PYGB: variants seen among roughly 807,000 people sequenced by gnomAD.
PYGB encodes glycogen phosphorylase, brain form.
In PYGB, 82 loss-of-function variants were observed where a neutral mutation model predicts 94.3. That is an observed-to-expected ratio of 0.87 (90% CI 0.73 to 1.04). The LOEUF (loss-of-function observed/expected upper bound fraction) is 1.04. Ranked by LOEUF, PYGB falls within the 50% of genes least tolerant of loss-of-function variation. The probability of loss-of-function intolerance (pLI) is 0.00; values close to 1 mark genes in which losing one functional copy is unlikely to be tolerated. For missense variants in PYGB, 1,132 were observed against 1,158.2 expected (o/e 0.98, Z 0.33); for synonymous variants, 488 against 479.1 (o/e 1.02, Z -0.24).
intron 2 of PYGB, among the ~76,000 whole-genome samples, 161 bp downstream of exon 2, chr20:25,259,499 G>A (rs759021917): frequency 3.3e-5 from 5 of 152,202 alleles, no homozygotes; most frequent in East Asian, 1.9e-4. Context: ...ATGGGTTGGC[G>A]GGGCTGCTCT....
intron 2 of PYGB, among the ~76,000 whole-genome samples, chr20:25,264,725 T>C (rs1472189614): frequency 1.3e-5 from 2 of 152,216 alleles, no homozygotes; most frequent in Non-Finnish European, 1.5e-5. Context: ...ACAAGGGATG[T>C]GAAGGACCTC....
At position 25,288,486 on chromosome 20, in the gene PYGB, G is replaced by A. The variant is rs2088437947; in HGVS notation, c.1827+3G>A. ...GGACTGTTATGATTGGGGGCAAGGT[G>A]AGTGACTTCCTCTGCAGTCCTCTCT... On this transcript the variant is annotated splice_donor_region_variant and intron_variant, in intron 15 of 19. Transcript: ENST00000216962. 6.2e-7 allele frequency: 1 copy of A among 1,614,052 alleles called. No individual in the cohort carries two copies. Among genetic ancestry groups the A allele is most frequent in the Non-Finnish European group, 8.5e-7 (1 of 1,179,920 alleles).
chr20:25,265,430 G>A (rs996734690), intron 2 of PYGB, among the ~76,000 whole-genome samples: 2 of 152,162 alleles, frequency 1.3e-5, no homozygotes, highest in African/African-American at 2.4e-5. Flanking sequence ...CTAAATGGGT[G>A]TAAAATGGTA....
intron 1 of PYGB, among the ~76,000 whole-genome samples, chr20:25,256,563 C>T (rs2092903209): frequency 6.6e-6 from 1 of 152,008 alleles, no homozygotes; most frequent in African/African-American, 2.4e-5. Flanking sequence ...CTTGTTATGT[C>T]ATATTGCAAG....
At chr20:25,294,009 T>C in intron 17 of PYGB, 149 bp from the exon 18 acceptor site, 3 of 1,055,502 alleles carry the variant, frequency 2.8e-6, no homozygotes, top group Non-Finnish European at 4.1e-6. Context: ...TAACCACCCA[T>C]GGCCACTGGC....
chr20:25,294,590 C>T (rs905272735), intron 18 of PYGB, among the ~76,000 whole-genome samples: 1 of 152,196 alleles, frequency 6.6e-6, no homozygotes, highest in Non-Finnish European at 1.5e-5. Flanking sequence ...GTTGGAGGTC[C>T]CAGGGGCAGC....
At chr20:25,283,811 C>T (rs2088391694) in intron 13 of PYGB, among the ~76,000 whole-genome samples, 1 of 152,178 alleles carries the variant, frequency 6.6e-6, no homozygotes. Flanking sequence ...TCCCGCGCTG[C>T]TCCGCCGCCT....
At chr20:25,293,246 GC>G (rs1358429481) in intron 17 of PYGB, among the ~76,000 whole-genome samples, 2 of 151,998 alleles carry the variant, frequency 1.3e-5, no homozygotes, top group Non-Finnish European at 2.9e-5. Context: ...TCCGTTGGCT[GC>G]ACTGAGCTCA....
chr20:25,296,084 C>T (rs1600749213), intron 19 of PYGB, among the ~76,000 whole-genome samples: 2 of 152,152 alleles, frequency 1.3e-5, no homozygotes, highest in Non-Finnish European at 2.9e-5. Flanking sequence ...CAGTTCTTAC[C>T]TGGTGCTATC....
rs547210884 is a variant in PYGB, at chr20:25,289,084, C to A, written c.1827+601C>A. The stretch of plus-strand genomic sequence containing the variant: ...GACTGTGTGAGGCACCCCAGCCCTC[C>A]ACGGCAAGGCCGGGGCCTGGGGGTG... On this transcript the variant is annotated intron_variant, in intron 15 of 19. Transcript: ENST00000216962. Among the ~76,000 whole-genome samples the A allele has an allele frequency of 9.2e-5, 14 of 152,260 alleles. No homozygotes were observed. In the South Asian group the frequency reaches 2.9e-3, roughly 32 times the overall value.
chr20:25,275,698 T>G (rs766722202), intron 5 of PYGB, among the ~76,000 whole-genome samples: 7 of 152,206 alleles, frequency 4.6e-5, no homozygotes, highest in Non-Finnish European at 1.0e-4. Context: ...TGAGTGGGGA[T>G]GCTGGAGAAC....
At chr20:25,293,824 T>C (rs750029969) in intron 17 of PYGB, 6 of 357,194 alleles carry the variant, frequency 1.7e-5, no homozygotes, top group Non-Finnish European at 3.1e-5. Flanking sequence ...CTGCCCAGGA[T>C]TTCACAGTGA....
At chr20:25,258,594 C>T (rs73904036) in intron 1 of PYGB, among the ~76,000 whole-genome samples, 3,667 of 152,316 alleles carry the variant, frequency 0.024, 138 homozygotes, top group African/African-American at 0.08. Flanking sequence ...CACCTAGAAC[C>T]CCGCTCAGGG....
intron 3 of PYGB, among the ~76,000 whole-genome samples, chr20:25,270,206 G>GTTTT (rs1166786019): frequency 6.3e-5 from 7 of 111,922 alleles, no homozygotes; most frequent in Admixed American, 1.7e-4. Flanking sequence ...GTTTTGTTTT[G>GTTTT]TTTTTTTTTT....
chr20:25,280,279 CGAA>C lies in PYGB; in HGVS notation c.1112_1114del (p.Lys371del), dbSNP rs1568693291. 5.6e-6 allele frequency: 9 copies of C among 1,614,040 alleles called. No homozygotes were observed. The highest frequency in any genetic ancestry group is 7.6e-6 in the Non-Finnish European group (9 of 1,179,916). ...CTAATGGCCTAGGCCTGGGAAATCA[CGAA>C]GAAGACCTGTGCATACACCAACCAC... On this transcript the variant is annotated inframe_deletion, in exon 10 of 20. Transcript: ENST00000216962.
intron 4 of PYGB, among the ~76,000 whole-genome samples, chr20:25,274,021 C>T (rs536713078): frequency 2.0e-5 from 3 of 152,260 alleles, no homozygotes; most frequent in East Asian, 1.9e-4. Context: ...AGTGTGTCCC[C>T]GTCAAAGCAA....
intron 4 of PYGB, among the ~76,000 whole-genome samples, chr20:25,272,064 G>A (rs969078248): frequency 1.3e-5 from 2 of 152,184 alleles, no homozygotes; most frequent in Non-Finnish European, 2.9e-5. Context: ...AGATGGTTGA[G>A]ACCATGGCCG....
At chr20:25,249,463 A>G (rs942429082) in intron 1 of PYGB, among the ~76,000 whole-genome samples, 7 of 152,352 alleles carry the variant, frequency 4.6e-5, no homozygotes, top group Middle Eastern at 3.4e-3. Flanking sequence ...TGAGGAAAAG[A>G]CACACTTCCA....
rs1196373345 is a variant in PYGB at position 25,290,473 on chromosome 20, C to T, written c.1828-8C>T. The T allele has an allele frequency of 2.5e-6, 4 of 1,601,828 alleles. No individual in the cohort carries two copies. In the East Asian group the frequency reaches 9.0e-5, roughly 36 times the overall value. ...TTTGTGCTAAAAACCTTCACCCTCT[C>T]CTTCCAGGCAGCGCCCGGTTACCAC... On this transcript the variant is annotated splice_region_variant and splice_polypyrimidine_tract_variant and intron_variant, in intron 15 of 19. Transcript: ENST00000216962.
Sources: gnomAD v4.1 joint callset for allele counts (sites outside exome capture counted in the v4.1 genomes callset) on GRCh38, gnomAD v4.1.1 for gene constraint, MANE v1.5 for transcripts, NCBI Gene and HGNC (gene_info 2026-07-23, HGNC 2026-07-21) for gene names.